The following CDC42BPB variants were observed in gnomAD, a reference collection of about 807,000 sequenced individuals.
The protein encoded by CDC42BPB is serine/threonine-protein kinase MRCK beta.
In CDC42BPB, 37 loss-of-function variants were observed where a neutral mutation model predicts 214.9. The ratio of observed to expected loss-of-function variants is 0.17; its 90% CI spans 0.13 to 0.23. The LOEUF is 0.23. Ranked by LOEUF, CDC42BPB falls within the 10% of genes least tolerant of loss-of-function variation. The pLI, the probability that CDC42BPB is intolerant of heterozygous loss-of-function variation, is 1.00. For synonymous variants in CDC42BPB, 931 were observed against 884.0 expected, an observed-to-expected ratio of 1.05 and a Z score of -0.94; for missense variants, 1,694 against 2,227.0, an observed-to-expected ratio of 0.76 and a Z score of 4.82.
intron 29 of CDC42BPB, chr14:102,945,415 A>AG: frequency 1.8e-6 from 1 of 552,792 alleles, no homozygotes. Flanking sequence ...TCCTCCTCCC[A>AG]GGGGGCTTTC....
chr14:103,011,875 G>T (rs1483668532), intron 2 of CDC42BPB, among the ~76,000 whole-genome samples: 1 of 152,076 alleles, frequency 6.6e-6, no homozygotes, highest in Non-Finnish European at 1.5e-5. Context: ...CAGCTCCTTG[G>T]GAGGCCGAGG....
At position 103,057,356 on chromosome 14, in the gene CDC42BPB, A is replaced by G. The variant is rs1889046350; in HGVS notation, c.-183T>C. 2.5e-5 allele frequency: 25 copies of G among 1,012,296 alleles called. No homozygotes were observed. Among genetic ancestry groups the G allele is most frequent in the Non-Finnish European group, 2.9e-5 (25 of 848,988 alleles). The allele number at this position is 1,012,296 out of a possible 1,614,324, so 62.7% of individuals were successfully genotyped here. On this transcript the variant is annotated 5_prime_UTR_variant, in exon 1 of 37. Coordinates refer to ENST00000361246, the MANE Select transcript of CDC42BPB (RefSeq NM_006035.4). The stretch of plus-strand genomic sequence containing the variant: ...ATCTTGGGCTCCGTCCCGACGGCGC[A>G]GAGTCTGGGGCGCCGGGCCCCGCGG...
chr14:103,011,321 C>G (rs1210440232), intron 2 of CDC42BPB, among the ~76,000 whole-genome samples: 1 of 152,256 alleles, frequency 6.6e-6, no homozygotes, highest in Non-Finnish European at 1.5e-5. Context: ...CAGAGCCACA[C>G]CGCGTGTGTC....
intron 36 of CDC42BPB, among the ~76,000 whole-genome samples, chr14:102,936,641 T>C (rs943018659): frequency 3.3e-5 from 5 of 152,140 alleles, no homozygotes; most frequent in African/African-American, 1.2e-4. Flanking sequence ...GGGGTTTATT[T>C]TGAAATGATG....
At chr14:103,007,331 G>A (rs577130812) in intron 3 of CDC42BPB, among the ~76,000 whole-genome samples, 7 of 152,288 alleles carry the variant, frequency 4.6e-5, no homozygotes, top group South Asian at 2.1e-4. Context: ...ACTGAGTCAC[G>A]AGGAACCGAT....
At chr14:103,005,573 G>A (rs1184360573) in intron 3 of CDC42BPB, among the ~76,000 whole-genome samples, 1 of 152,028 alleles carries the variant, frequency 6.6e-6, no homozygotes, top group Non-Finnish European at 1.5e-5. Flanking sequence ...AGCCGGGTGT[G>A]GTGTCACCCG....
intron 1 of CDC42BPB, among the ~76,000 whole-genome samples, chr14:103,047,178 G>A (rs763636621): frequency 6.6e-6 from 1 of 151,112 alleles, no homozygotes; most frequent in South Asian, 2.1e-4. Context: ...CAGCTACTTG[G>A]GAGGCTGAGG....
intron 30 of CDC42BPB, chr14:102,941,068 A>G (rs926074629): frequency 2.1e-6 from 2 of 955,046 alleles, no homozygotes; most frequent in African/African-American, 3.5e-5. Context: ...CACGTTTAGA[A>G]GAGCAGTGAC....
chr14:102,981,104 T>A (rs919987183), intron 7 of CDC42BPB, 83 bp from the exon 8 acceptor site: 1 of 1,574,754 alleles, frequency 6.4e-7, no homozygotes, highest in African/African-American at 1.4e-5. Flanking sequence ...GGAAACAAAG[T>A]AGAAATGGTA....
chr14:103,055,495 C>T (rs761579518), intron 1 of CDC42BPB, among the ~76,000 whole-genome samples: 3 of 152,192 alleles, frequency 2.0e-5, no homozygotes, highest in Non-Finnish European at 4.4e-5. Flanking sequence ...TTCAAAGCAA[C>T]GGTGAAGTCA....
chr14:103,021,397 C>A (rs927359559), intron 1 of CDC42BPB, among the ~76,000 whole-genome samples: 2 of 151,098 alleles, frequency 1.3e-5, no homozygotes, highest in Non-Finnish European at 2.9e-5. Context: ...ACCTGGGAGG[C>A]GGAGCTTGCA....
rs750667199 is a variant in CDC42BPB at position 102,991,610 on chromosome 14, G to T, written c.597-5030C>A. 3.3e-5 allele frequency among the ~76,000 whole-genome samples: 5 copies of T among 152,156 alleles called. 1 individual carries two copies. Among genetic ancestry groups the T allele is most frequent in the Non-Finnish European group, 7.4e-5 (5 of 68,020 alleles). On this transcript the variant is annotated intron_variant, in intron 5 of 36. Coordinates refer to ENST00000361246, the MANE Select transcript of CDC42BPB (RefSeq NM_006035.4). ...GGGGTAAATGCTCTTGGTACATGCA[G>T]CTTATTCTTAGATGGGTGAGGAAAA...
At chr14:102,968,130 G>A (rs1326086687) in intron 16 of CDC42BPB, 123 bp downstream of exon 16, 2 of 653,388 alleles carry the variant, frequency 3.1e-6, no homozygotes, top group Admixed American at 3.0e-5. Flanking sequence ...ACTCAAGAAT[G>A]ACGACATTCT....
At position 102,943,275 on chromosome 14, in the gene CDC42BPB, G is replaced by A. The variant is rs568515683; in HGVS notation, c.4408+616C>T. On this transcript the variant is annotated intron_variant, in intron 30 of 36. Coordinates refer to ENST00000361246, the MANE Select transcript of CDC42BPB (RefSeq NM_006035.4). This position sits in a 1 kb window ranked among gnomAD's most constrained non-coding sequence, Gnocchi z 4.6. Reference sequence around the variant, plus strand: ...AGGTGTGAGCCACCGCTCTCCACCCGGTTTAAGGTTTTAAAAGCAATCGGA... The same window carrying A: ...AGGTGTGAGCCACCGCTCTCCACCCAGTTTAAGGTTTTAAAAGCAATCGGA... Among the ~76,000 whole-genome samples, 2 of 152,240 alleles carry A rather than the reference G, an allele frequency of 1.3e-5. No individual in the cohort carries two copies. The highest frequency in any genetic ancestry group is 1.9e-4 in the East Asian group (1 of 5,178).
chr14:103,053,837 T>A (rs1209963699), intron 1 of CDC42BPB, among the ~76,000 whole-genome samples: 1 of 150,438 alleles, frequency 6.6e-6, no homozygotes, highest in African/African-American at 2.5e-5. Flanking sequence ...GAGCCAAAAA[T>A]AATCATATTT....
At chr14:102,952,768 T>C (rs1892546724) in intron 23 of CDC42BPB, 165 bp from the exon 24 acceptor site, 2 of 984,152 alleles carry the variant, frequency 2.0e-6, no homozygotes, top group East Asian at 1.1e-4. Context: ...GCTCATCAAA[T>C]AGTGGTGAAA....
chr14:102,954,619 C>A lies in CDC42BPB; in HGVS notation c.2971G>T (p.Ala991Ser). 1 of 1,613,718 alleles carries A rather than the reference C, an allele frequency of 6.2e-7. No homozygotes were observed. Residue 991 changes from alanine to serine, a missense_variant, in exon 22 of 37, where the codon GCA becomes TCA. Ala to Ser is a moderately conservative substitution (Grantham distance 99). Coordinates refer to ENST00000361246, the MANE Select transcript of CDC42BPB (RefSeq NM_006035.4). The part of the protein sequence containing the change: ...PEASPSMSVA[A>S]SEQQEDMARP... Reference sequence around the variant, plus strand: ...TGTCTCACCTCCTGCTGCTCTGATGCAGCCACAGACATCGACGGGGACGCT... The same window carrying A: ...TGTCTCACCTCCTGCTGCTCTGATGAAGCCACAGACATCGACGGGGACGCT...
chr14:103,041,748 C>A, intron 1 of CDC42BPB: 1 of 528,800 alleles, frequency 1.9e-6, no homozygotes, highest in Non-Finnish European at 3.5e-6. Context: ...AGACCATTAG[C>A]ATCTCTGTGG....
intron 23 of CDC42BPB, among the ~76,000 whole-genome samples, chr14:102,953,569 G>A (rs911080302): frequency 1.2e-4 from 18 of 152,330 alleles, no homozygotes; most frequent in Admixed American, 9.1e-4. Context: ...ACCACCTTAG[G>A]CCACAGGGCT....
Sources: allele counts gnomAD v4.1 joint callset (sites outside exome capture counted in the v4.1 genomes callset), GRCh38; gene constraint gnomAD v4.1.1; non-coding constraint Gnocchi (gnomAD v3.1); transcripts MANE v1.5; gene names NCBI Gene and HGNC (gene_info 2026-07-23, HGNC 2026-07-21).